The following AGPS variants were observed in gnomAD, a reference collection of about 807,000 sequenced individuals.
The protein encoded by AGPS is alkylglycerone phosphate synthase, also known as alkyldihydroxyacetonephosphate synthase, peroxisomal.
In AGPS, 26 loss-of-function variants were observed where a neutral mutation model predicts 90.7. The observed-to-expected ratio is 0.29, with a 90% CI of 0.21 to 0.40. AGPS has a LOEUF of 0.40. Ranked by LOEUF, AGPS falls within the 10% of genes least tolerant of loss-of-function variation. The probability of loss-of-function intolerance (pLI) is 1.00; values close to 1 mark genes in which losing one functional copy is unlikely to be tolerated. For synonymous variants in AGPS, 294 were observed against 285.3 expected (o/e 1.03, Z -0.31); for missense variants, 540 against 816.1 (o/e 0.66, Z 4.12).
chr2:177,415,495 C>T (rs1453024206), intron 1 of AGPS, among the ~76,000 whole-genome samples: 1 of 152,204 alleles, frequency 6.6e-6, no homozygotes, highest in African/African-American at 2.4e-5. Flanking sequence ...AGAATTATCA[C>T]ATTGATTAAT....
At chr2:177,506,397 T>C (rs1045988770) in intron 15 of AGPS, among the ~76,000 whole-genome samples, 2 of 151,792 alleles carry the variant, frequency 1.3e-5, no homozygotes, top group African/African-American at 4.8e-5. Context: ...AGGGTACGTA[T>C]GATATTTTGA....
chr2:177,471,359 T>G (rs1211005651), intron 10 of AGPS, among the ~76,000 whole-genome samples: 7 of 152,196 alleles, frequency 4.6e-5, no homozygotes, highest in Non-Finnish European at 8.8e-5. Context: ...TATACGTGAT[T>G]AACCATATTA....
intron 17 of AGPS, among the ~76,000 whole-genome samples, chr2:177,514,627 AAT>A (rs1278069761): frequency 1.3e-5 from 2 of 152,070 alleles, no homozygotes; most frequent in Non-Finnish European, 2.9e-5. Flanking sequence ...TTAAACTGCT[AAT>A]TGTATGTGTG....
chr2:177,491,896 A>G lies in AGPS; in HGVS notation c.1234-1252A>G, dbSNP rs192379265. ...TGCTTCCCAGGTTCAAGTGATTCTCATGCCTCAGCCTCCCAAGTAGCTGGG... is the reference window on the plus strand; with the variant it reads ...TGCTTCCCAGGTTCAAGTGATTCTCGTGCCTCAGCCTCCCAAGTAGCTGGG... On this transcript the variant is annotated intron_variant, in intron 11 of 19. Transcript: ENST00000264167. Among the ~76,000 whole-genome samples, 24 of 150,270 alleles carry G rather than the reference A, an allele frequency of 1.6e-4. No individual in the cohort carries two copies. In the East Asian group the frequency reaches 3.8e-3, roughly 24 times the overall value.
At chr2:177,516,226 T>A (rs941777602) in intron 17 of AGPS, among the ~76,000 whole-genome samples, 7 of 152,106 alleles carry the variant, frequency 4.6e-5, no homozygotes, top group African/African-American at 1.7e-4. Context: ...TAGGGTACAT[T>A]TATTGAGTTC....
At chr2:177,445,739 C>CGACACAACAAAAAAAGAAAA in intron 8 of AGPS, 113 bp downstream of exon 8, 1 of 686,718 alleles carries the variant, frequency 1.5e-6, no homozygotes, top group Non-Finnish European at 2.4e-6. Context: ...AATGAAATAC[C>CGACACAACAAAAAAAGAAAA]TTTTATGATA....
At chr2:177,470,130 G>A (rs930532760) in intron 10 of AGPS, among the ~76,000 whole-genome samples, 2 of 152,098 alleles carry the variant, frequency 1.3e-5, no homozygotes, top group Non-Finnish European at 2.9e-5. Flanking sequence ...TCATGTTGGT[G>A]GGCTTAGAAA....
At chr2:177,525,726 C>G (rs1317534137) in intron 19 of AGPS, among the ~76,000 whole-genome samples, 2 of 152,134 alleles carry the variant, frequency 1.3e-5, no homozygotes, top group African/African-American at 4.8e-5. Context: ...CAGAAATTCT[C>G]TAGAAGTTGG....
At chr2:177,455,309 C>G (rs1488974660) in intron 8 of AGPS, among the ~76,000 whole-genome samples, 1 of 152,204 alleles carries the variant, frequency 6.6e-6, no homozygotes. Context: ...TATGCTCAAT[C>G]TCAACTCAGT....
chr2:177,483,554 G>T lies in AGPS; in HGVS notation c.1233+1368G>T, dbSNP rs1573999229. Among the ~76,000 whole-genome samples the T allele has an allele frequency of 3.3e-5, 5 of 152,284 alleles. No individual in the cohort carries two copies. In the Middle Eastern group the frequency reaches 0.01, roughly 311 times the overall value. ...GGATTCAAAAGGAAGTAGGGTCCTG[G>T]AATAAGCATTCTTGGACTTGTGGCA... On this transcript the variant is annotated intron_variant, in intron 11 of 19. Transcript: ENST00000264167.
Position 177,526,432 on chromosome 2 carries a change from G to C in AGPS, c.1855+2627G>C, listed in dbSNP as rs186553931. Among the ~76,000 whole-genome samples, 9 of 152,174 alleles carry C rather than the reference G, an allele frequency of 5.9e-5. No individual in the cohort carries two copies. The South Asian group carries it at 1.5e-3, about 25-fold the overall frequency. ...TTTAGTAGAGACGGGTTTTCACCAT[G>C]TTGGCCAGGCTGGTCTCGAACTCCT... On this transcript the variant is annotated intron_variant, in intron 19 of 19. Transcript: ENST00000264167.
intron 19 of AGPS, among the ~76,000 whole-genome samples, chr2:177,535,607 A>C (rs776676586): frequency 1.3e-5 from 2 of 152,178 alleles, no homozygotes; most frequent in Non-Finnish European, 2.9e-5. Context: ...TAACTACATA[A>C]GGTTCTCCAG....
chr2:177,448,591 G>C (rs1384799320), intron 8 of AGPS, among the ~76,000 whole-genome samples: 1 of 152,076 alleles, frequency 6.6e-6, no homozygotes, highest in African/African-American at 2.4e-5. Flanking sequence ...TTCTCTTCAG[G>C]AGATGGAAAT....
At chr2:177,449,957 C>G (rs1200222379) in intron 8 of AGPS, among the ~76,000 whole-genome samples, 1 of 151,984 alleles carries the variant, frequency 6.6e-6, no homozygotes, top group Non-Finnish European at 1.5e-5. Context: ...CCTGCCTCAG[C>G]CTCCCCAGTA....
At chr2:177,403,255 C>T (rs766480212) in intron 1 of AGPS, among the ~76,000 whole-genome samples, 23 of 151,980 alleles carry the variant, frequency 1.5e-4, no homozygotes, top group Non-Finnish European at 8.8e-5. Flanking sequence ...GTGACTACTA[C>T]AACAATGGAA....
chr2:177,493,320 C>A, intron 12 of AGPS, 121 bp downstream of exon 12: 1 of 884,122 alleles, frequency 1.1e-6, no homozygotes, highest in Non-Finnish European at 1.9e-6. Context: ...AGGAAGATGT[C>A]AGTCTAATGA....
intron 19 of AGPS, among the ~76,000 whole-genome samples, chr2:177,527,199 G>A (rs1031993418): frequency 3.3e-5 from 5 of 152,092 alleles, no homozygotes; most frequent in East Asian, 1.9e-4. Context: ...AGGCCTAGGC[G>A]GGTGGATTGC....
At chr2:177,408,044 G>A (rs1020294201) in intron 1 of AGPS, among the ~76,000 whole-genome samples, 1 of 152,126 alleles carries the variant, frequency 6.6e-6, no homozygotes, top group African/African-American at 2.4e-5. Flanking sequence ...AGTCTCCTGA[G>A]TCGCTGGGAT....
chr2:177,466,600 C>G (rs953789202), intron 9 of AGPS, among the ~76,000 whole-genome samples: 1 of 152,230 alleles, frequency 6.6e-6, no homozygotes, highest in African/African-American at 2.4e-5. Flanking sequence ...CAGCACTTAT[C>G]CTCCCTTCTG....
Sources: allele counts gnomAD v4.1 joint callset (sites outside exome capture counted in the v4.1 genomes callset), GRCh38; gene constraint gnomAD v4.1.1; transcripts MANE v1.5; gene names NCBI Gene and HGNC (gene_info 2026-07-23, HGNC 2026-07-21).